ROBO1: variants seen among roughly 807,000 people sequenced by gnomAD.
The protein encoded by ROBO1 is roundabout guidance receptor 1.
ROBO1 carries 149 observed loss-of-function variants against 195.9 expected under a neutral mutation model. The observed-to-expected ratio is 0.76, with a 90% confidence interval of 0.67 to 0.87. The LOEUF (loss-of-function observed/expected upper bound fraction) is 0.87, where lower values mean the gene tolerates loss of function less well. Among genes scored for constraint, ROBO1 ranks in the 40% least tolerant of loss-of-function variants. The probability of loss-of-function intolerance (pLI) is 0.00; values close to 1 mark genes in which losing one functional copy is unlikely to be tolerated. For missense variants in ROBO1, 1,933 were observed against 2,068.3 expected (o/e 0.93, Z 1.27); for synonymous variants, 816 against 733.2 (o/e 1.11, Z -1.82).
chr3:79,702,211 C>T (rs768781567), intron 1 of ROBO1, among the ~76,000 whole-genome samples: 1 of 151,804 alleles, frequency 6.6e-6, no homozygotes, highest in Non-Finnish European at 1.5e-5. Context: ...AAATCTACAG[C>T]TGAAATGGTA....
chr3:79,436,374 G>A (rs2038890594), intron 2 of ROBO1, among the ~76,000 whole-genome samples: 1 of 151,732 alleles, frequency 6.6e-6, no homozygotes, highest in South Asian at 2.1e-4. Context: ...TGGTGAACAT[G>A]AAAATTCTAC....
intron 1 of ROBO1, among the ~76,000 whole-genome samples, chr3:79,671,347 T>A (rs1946626005): frequency 1.3e-5 from 2 of 151,774 alleles, no homozygotes; most frequent in South Asian, 4.1e-4. Context: ...TAAGAGAGAA[T>A]GAAAAATCCA....
At chr3:78,673,572 A>ATTT (rs1186933240) in intron 10 of ROBO1, among the ~76,000 whole-genome samples, 1 of 40,402 alleles carries the variant, frequency 2.5e-5, no homozygotes, top group Non-Finnish European at 4.9e-5. Flanking sequence ...TTATATATAT[A>ATTT]TATATATATA....
chr3:79,324,497 A>C (rs555920731), intron 2 of ROBO1, among the ~76,000 whole-genome samples: 5 of 152,328 alleles, frequency 3.3e-5, no homozygotes, highest in Non-Finnish European at 5.9e-5. Context: ...TAGTTACTTT[A>C]GATGAAATCT....
chr3:78,678,924 C>T (rs1257558545), intron 10 of ROBO1, among the ~76,000 whole-genome samples: 1 of 152,054 alleles, frequency 6.6e-6, no homozygotes, highest in Admixed American at 6.5e-5. Flanking sequence ...CAAAAATCCT[C>T]AATAAAATAC....
chr3:79,652,991 C>T (rs1289375514), intron 1 of ROBO1, among the ~76,000 whole-genome samples: 1 of 151,846 alleles, frequency 6.6e-6, no homozygotes, highest in African/African-American at 2.4e-5. Flanking sequence ...TAGTACTGCA[C>T]ATCACCTCAA....
chr3:78,763,335 C>G (rs1415014819), intron 4 of ROBO1, among the ~76,000 whole-genome samples: 1 of 152,048 alleles, frequency 6.6e-6, no homozygotes, highest in East Asian at 1.9e-4. Context: ...ATAGTAAGTA[C>G]ATATGGCCTC....
intron 1 of ROBO1, among the ~76,000 whole-genome samples, chr3:79,694,340 C>T (rs993794526): frequency 2.6e-5 from 4 of 151,674 alleles, no homozygotes; most frequent in South Asian, 2.1e-4. Flanking sequence ...TCTTTTAGGT[C>T]GACTGTTTTA....
In ROBO1 at chr3:79,340,503, C is replaced by A. The variant is rs1405165918; in HGVS notation, c.89-214964G>T. On this transcript the variant is annotated intron_variant, in intron 2 of 30. Transcript: ENST00000464233. ...GGTTCAGAGTGGATGTGATGGTGGG[C>A]TGCAGGTTGTTCTAAGTCTGCCAGA... Among the ~76,000 whole-genome samples the A allele has an allele frequency of 3.9e-5, 6 of 152,132 alleles. No homozygotes were observed. In the East Asian group the frequency reaches 1.2e-3, roughly 29 times the overall value.
At chr3:79,097,227 C>G (rs2079587058) in intron 3 of ROBO1, among the ~76,000 whole-genome samples, 1 of 151,742 alleles carries the variant, frequency 6.6e-6, no homozygotes. Context: ...AAAAGTGAAG[C>G]AAACTTTCAA....
At chr3:78,792,929 C>T (rs1475025595) in intron 4 of ROBO1, among the ~76,000 whole-genome samples, 3 of 151,776 alleles carry the variant, frequency 2.0e-5, no homozygotes, top group African/African-American at 4.8e-5. Context: ...GTAGAACCTC[C>T]TCTCTACTAA....
chr3:79,354,478 T>C (rs2035467147), intron 2 of ROBO1, among the ~76,000 whole-genome samples: 1 of 152,166 alleles, frequency 6.6e-6, no homozygotes, highest in African/African-American at 2.4e-5. Context: ...ATCATTCCAC[T>C]GGAACTGCCT....
At chr3:78,944,561 T>G (rs1485901754) in intron 3 of ROBO1, among the ~76,000 whole-genome samples, 1 of 152,072 alleles carries the variant, frequency 6.6e-6, no homozygotes, top group African/African-American at 2.4e-5. Flanking sequence ...TAGGAACAGC[T>G]CCGGTCTACA....
chr3:79,766,770 G>A (rs1487064201), intron 1 of ROBO1, among the ~76,000 whole-genome samples: 1 of 152,162 alleles, frequency 6.6e-6, no homozygotes, highest in Non-Finnish European at 1.5e-5. Flanking sequence ...AGATGGGGCA[G>A]GGAGAAGGAG....
At chr3:79,408,326 T>C (rs1195407648) in intron 2 of ROBO1, among the ~76,000 whole-genome samples, 1 of 152,056 alleles carries the variant, frequency 6.6e-6, no homozygotes, top group Non-Finnish European at 1.5e-5. Flanking sequence ...GGAAAAGTTT[T>C]CTTTATTTGG....
At chr3:79,242,316 G>T (rs1321672841) in intron 2 of ROBO1, among the ~76,000 whole-genome samples, 1 of 151,744 alleles carries the variant, frequency 6.6e-6, no homozygotes, top group African/African-American at 2.4e-5. Flanking sequence ...ACTGTATCAG[G>T]TTCTTGCTAT....
rs575738555 is a variant in ROBO1 at position 79,411,476 on chromosome 3, T to C, written c.88+178348A>G. ...TTTAAGTTATTCTAATCAGAGTCTC[T>C]GTAATATTTGCTGTTTCTCATTGTA... is the stretch of plus-strand genomic sequence containing the variant. On this transcript the variant is annotated intron_variant, in intron 2 of 30. Transcript: ENST00000464233. 1.1e-4 allele frequency among the ~76,000 whole-genome samples: 17 copies of C among 152,304 alleles called. No individual in the cohort carries two copies. The South Asian group carries it at 3.5e-3, about 32-fold the overall frequency.
chr3:78,625,164 T>C (rs531269778), intron 26 of ROBO1, among the ~76,000 whole-genome samples: 136 of 152,248 alleles, frequency 8.9e-4, no homozygotes, highest in African/African-American at 3.2e-3. Context: ...GTGGATTTCA[T>C]GGGACAGGGA....
chr3:79,059,946 G>T (rs1200167505), intron 3 of ROBO1, among the ~76,000 whole-genome samples: 7 of 152,124 alleles, frequency 4.6e-5, no homozygotes, highest in Non-Finnish European at 7.4e-5. Context: ...GCCGAGCTGG[G>T]CAGAACAGAG....
Sources: gnomAD v4.1 joint callset for allele counts (sites outside exome capture counted in the v4.1 genomes callset) on GRCh38, gnomAD v4.1.1 for gene constraint, MANE v1.5 for transcripts, NCBI Gene and HGNC (gene_info 2026-07-23, HGNC 2026-07-21) for gene names.